ENTREP2: variants seen among roughly 807,000 people sequenced by gnomAD.
ENTREP2 encodes endosomal transmembrane epsin interactor 2.
chr15:29,171,200 T>TG, the ENTREP2 span, among the ~76,000 whole-genome samples: 42 of 152,234 alleles, frequency 2.8e-4, no homozygotes, highest in Admixed American at 2.7e-3. Context: ...TTCCAACATA[T>TG]GAACTTTTGG....
chr15:29,593,697 T>C, the ENTREP2 span, among the ~76,000 whole-genome samples: 1 of 152,226 alleles, frequency 6.6e-6, no homozygotes, highest in Non-Finnish European at 1.5e-5. Context: ...CAGAGAATGC[T>C]TTTCACATTG....
the ENTREP2 span, among the ~76,000 whole-genome samples, chr15:29,456,753 T>C: frequency 6.6e-6 from 1 of 152,316 alleles, no homozygotes; most frequent in African/African-American, 2.4e-5. Flanking sequence ...AGGTCAATCA[T>C]GGATGGCTAC....
the ENTREP2 span, among the ~76,000 whole-genome samples, chr15:29,646,580 A>AG: frequency 6.6e-6 from 1 of 152,134 alleles, no homozygotes; most frequent in African/African-American, 2.4e-5. Context: ...AGCTGGGGAA[A>AG]GTCCTCTACA....
the ENTREP2 span, among the ~76,000 whole-genome samples, chr15:29,622,049 C>T: frequency 6.6e-6 from 1 of 152,014 alleles, no homozygotes; most frequent in African/African-American, 2.4e-5. Flanking sequence ...ATGGTGGTTG[C>T]CAGGGGCCAT....
chr15:29,333,446 G>A, the ENTREP2 span, among the ~76,000 whole-genome samples: 2 of 152,020 alleles, frequency 1.3e-5, no homozygotes, highest in African/African-American at 2.4e-5. Context: ...TGACACAGGC[G>A]CATCAGGGTG....
chr15:29,507,893 A>G, the ENTREP2 span, among the ~76,000 whole-genome samples: 1 of 152,176 alleles, frequency 6.6e-6, no homozygotes, highest in South Asian at 2.1e-4. Context: ...GACAAGAAAT[A>G]ACTAAGACCA....
chr15:29,593,290 C>G, the ENTREP2 span, among the ~76,000 whole-genome samples: 2 of 152,206 alleles, frequency 1.3e-5, no homozygotes, highest in Admixed American at 1.3e-4. Flanking sequence ...AGTTAACAAG[C>G]TAATGTCAGG....
chr15:29,149,514 C>T, the ENTREP2 span, among the ~76,000 whole-genome samples: 4 of 152,222 alleles, frequency 2.6e-5, no homozygotes, highest in Non-Finnish European at 5.9e-5. Flanking sequence ...GCTCAAGCCT[C>T]GGCCCACATG....
the ENTREP2 span, among the ~76,000 whole-genome samples, chr15:29,278,047 A>T: frequency 1.3e-5 from 2 of 152,238 alleles, no homozygotes; most frequent in Non-Finnish European, 2.9e-5. Flanking sequence ...TAACAACCAT[A>T]AAGAGAGAAA....
At chr15:29,654,403 T>C in the ENTREP2 span, among the ~76,000 whole-genome samples, 3 of 152,328 alleles carry the variant, frequency 2.0e-5, no homozygotes, top group South Asian at 6.2e-4. Context: ...ATTAAACAAT[T>C]AACATTCATT....
the ENTREP2 span, among the ~76,000 whole-genome samples, chr15:29,199,507 T>C: frequency 0.94 from 143,413 of 152,296 alleles, 67,631 homozygotes; most frequent in East Asian, 1. Flanking sequence ...GACAGAACGC[T>C]TGATGGGTAG....
chr15:29,357,996 A>G, the ENTREP2 span, among the ~76,000 whole-genome samples: 1 of 152,102 alleles, frequency 6.6e-6, no homozygotes, highest in South Asian at 2.1e-4. Context: ...GGGCACCTAC[A>G]TGAGTACAGT....
At chr15:29,570,514 T>C in the ENTREP2 span, 2 of 1,386,368 alleles carry the variant, frequency 1.4e-6, no homozygotes, top group South Asian at 1.4e-5. Context: ...CCGAGAAGCC[T>C]GCCCAGAAGG....
the ENTREP2 span, among the ~76,000 whole-genome samples, chr15:29,120,043 G>A: frequency 6.6e-5 from 10 of 152,368 alleles, no homozygotes; most frequent in Non-Finnish European, 1.0e-4. Context: ...CAGCGTGGAC[G>A]GGCGTGGGTG....
chr15:29,242,089 T>A, the ENTREP2 span, among the ~76,000 whole-genome samples: 1 of 152,204 alleles, frequency 6.6e-6, no homozygotes, highest in South Asian at 2.1e-4. Context: ...ATTTATTTAT[T>A]TGAAGACATG....
the ENTREP2 span, among the ~76,000 whole-genome samples, chr15:29,562,433 G>A: frequency 6.6e-6 from 1 of 152,168 alleles, no homozygotes; most frequent in Admixed American, 6.5e-5. Flanking sequence ...CCAAAACACT[G>A]AGAAAAAGAC....
chr15:29,402,868 G>A, the ENTREP2 span, among the ~76,000 whole-genome samples: 2 of 152,134 alleles, frequency 1.3e-5, no homozygotes, highest in Non-Finnish European at 2.9e-5. Flanking sequence ...CCAAGCCAGC[G>A]ACAGCTGGTT....
chr15:29,571,707 C>T, the ENTREP2 span, among the ~76,000 whole-genome samples: 1 of 152,170 alleles, frequency 6.6e-6, no homozygotes, highest in Non-Finnish European at 1.5e-5. Context: ...ATCTCCACTC[C>T]CTCTTGCCAA....
At chr15:29,274,820 G>A in the ENTREP2 span, among the ~76,000 whole-genome samples, 2 of 152,164 alleles carry the variant, frequency 1.3e-5, no homozygotes, top group South Asian at 2.1e-4. Context: ...ACACAGGAGC[G>A]CTTGTTAGGG....
Sources: gnomAD v4.1 joint callset for allele counts (sites outside exome capture counted in the v4.1 genomes callset) on GRCh38, gnomAD v4.1.1 for gene constraint, MANE v1.5 for transcripts, NCBI Gene and HGNC (gene_info 2026-07-23, HGNC 2026-07-21) for gene names.